ANKRD18B: variants seen among roughly 807,000 people sequenced by gnomAD.
ANKRD18B encodes ankyrin repeat domain 18B, also known as ankyrin repeat domain-containing protein 18B.
Under a neutral mutation model 111.8 loss-of-function variants are expected in ANKRD18B, and 75 were observed. That is an observed-to-expected ratio of 0.67 (90% CI 0.56 to 0.81). The LOEUF (loss-of-function observed/expected upper bound fraction) is 0.81. Ranked by LOEUF, ANKRD18B falls within the 40% of genes least tolerant of loss-of-function variation. ANKRD18B has a pLI of 0.00. For missense variants in ANKRD18B, 1,038 were observed against 1,225.5 expected (o/e 0.85, Z 2.28); for synonymous variants, 356 against 417.3 (o/e 0.85, Z 1.79).
rs1218291312 is a variant in ANKRD18B, at chr9:33,524,554, A to G, written c.65A>G (p.Glu22Gly). ...GQALLSSMDQ[E>G]YAGRGYHIRD... The stretch of plus-strand genomic sequence containing the variant: ...GCGCTCCTGAGCTCCATGGACCAAG[A>G]GTATGCGGGTCGGGGGTACCACATT... Residue 22 changes from glutamate to glycine, a missense_variant, in exon 1 of 19, where the codon GAG becomes GGG. Physicochemically the swap from Glu to Gly is moderately conservative, Grantham distance 98. Around this residue, in one of 4 missense-constraint regions of ANKRD18B, gnomAD observed 216 missense variants for 205.1 expected, o/e 1.05. Coordinates refer to ENST00000684830, the MANE Select transcript of ANKRD18B (RefSeq NM_001393611.1). 3.2e-6 allele frequency: 5 copies of G among 1,551,134 alleles called. No homozygotes were observed. The highest frequency in any genetic ancestry group is 2.4e-5 in the East Asian group (1 of 40,900).
rs1173515896 is a variant in ANKRD18B at position 33,572,536 on chromosome 9, A to G, written c.*102A>G. ...CTTTACTAAAGTAGAATATTTTCAT[A>G]TCATATGATGTATATTTATATGTTA... is the stretch of plus-strand genomic sequence containing the variant. On this transcript the variant is annotated 3_prime_UTR_variant, in exon 19 of 19. Transcript: ENST00000684830. The G allele has an allele frequency of 7.3e-7, 1 of 1,366,062 alleles. No individual in the cohort carries two copies. The highest frequency in any genetic ancestry group is 9.5e-7 in the Non-Finnish European group (1 of 1,049,770). 84.6% of individuals were successfully genotyped at this position (1,366,062 alleles called of 1,614,324 possible). A position where few individuals can be genotyped will look rare whatever the true frequency, so the allele number is the denominator to read the frequency against.
chr9:33,558,328 T>C, intron 14 of ANKRD18B, 141 bp downstream of exon 14: 1 of 970,702 alleles, frequency 1.0e-6, no homozygotes, highest in Non-Finnish European at 1.5e-6. Flanking sequence ...CCCGTAGGCA[T>C]TAGCTATTAA....
intron 5 of ANKRD18B, among the ~76,000 whole-genome samples, chr9:33,536,377 T>C (rs1472238067): frequency 6.6e-6 from 1 of 152,220 alleles, no homozygotes; most frequent in Non-Finnish European, 1.5e-5. Flanking sequence ...AAAACACTCA[T>C]CAGGTTTTAT....
At chr9:33,558,815 A>G (rs2118101287) in intron 14 of ANKRD18B, among the ~76,000 whole-genome samples, 1 of 152,326 alleles carries the variant, frequency 6.6e-6, no homozygotes, top group East Asian at 1.9e-4. Context: ...CTGAGCCAGT[A>G]TGGTGACTGT....
At position 33,534,325 on chromosome 9, in the gene ANKRD18B, T is replaced by A. The variant is rs749399582; in HGVS notation, c.603-45T>A. On this transcript the variant is annotated intron_variant, in intron 4 of 18. Transcript: ENST00000684830. ...GTGTATCCAATTTGCTAATTAAATATCTTTATCAAAGTTCTTGAGTGCTGT... is the reference window on the plus strand; with the variant it reads ...GTGTATCCAATTTGCTAATTAAATAACTTTATCAAAGTTCTTGAGTGCTGT... 3.3e-6 allele frequency: 5 copies of A among 1,498,236 alleles called. No individual in the cohort carries two copies. The East Asian group carries it at 9.9e-5, about 30-fold the overall frequency. 92.8% of individuals were successfully genotyped at this position (1,498,236 alleles called of 1,614,324 possible). A position where few individuals can be genotyped will look rare whatever the true frequency, so the allele number is the denominator to read the frequency against.
At chr9:33,543,317 G>A in intron 10 of ANKRD18B, 62 bp downstream of exon 10, 1 of 1,370,736 alleles carries the variant, frequency 7.3e-7, no homozygotes, top group Non-Finnish European at 1.0e-6. Context: ...TAATAACATA[G>A]CATAGTCCAA....
chr9:33,574,923 G>A (rs943294091), downstream of ANKRD18B, among the ~76,000 whole-genome samples: 1 of 152,148 alleles, frequency 6.6e-6, no homozygotes, highest in African/African-American at 2.4e-5. Context: ...GGAGCAGTTA[G>A]AGACACACAG....
At chr9:33,551,826 G>A (rs1313196896) in intron 12 of ANKRD18B, among the ~76,000 whole-genome samples, 1 of 152,186 alleles carries the variant, frequency 6.6e-6, no homozygotes, top group Non-Finnish European at 1.5e-5. Flanking sequence ...TGTCCTTCCT[G>A]CCTTCTCAGT....
Position 33,567,289 on chromosome 9 carries a change from A to T in ANKRD18B, c.2929A>T (p.Ser977Cys). ...CTTTGCAGTAGCATTGAAAGCTAAC[A>T]GTTCCATGTCAGAAAAAATAACGAA... ...EAFAVALKAN[S>C]SMSEKITKSD... The change falls in exon 16 of 19, where the codon AGT becomes TGT. Residue 977 changes from serine (S) to cysteine (C), a missense_variant. By Grantham distance (112) the Ser-to-Cys change is moderately radical. Coordinates refer to ENST00000684830, the MANE Select transcript of ANKRD18B (RefSeq NM_001393611.1). 2 of 1,545,162 alleles carry T rather than the reference A, an allele frequency of 1.3e-6. No homozygotes were observed. The highest frequency in any genetic ancestry group is 1.7e-6 in the Non-Finnish European group (2 of 1,145,248).
rs142538183 is a variant in ANKRD18B, at chr9:33,558,115, C to G, written c.2388C>G (p.Asp796Glu). 0.015 allele frequency: 23,852 copies of G among 1,611,938 alleles called. 256 individuals carry two copies. The highest frequency in any genetic ancestry group is 0.022 in the Middle Eastern group (134 of 6,040). ...INMLNAFANE[D>E]FSCHGDLNTD... ...TGTTAAATGCATTTGCAAATGAAGA[C>G]TTCAGTTGCCATGGAGACTTAAATA... Residue 796 changes from aspartate to glutamate, a missense_variant, in exon 14 of 19, where the codon GAC becomes GAG. Asp to Glu is a conservative substitution (Grantham distance 45, BLOSUM62 2). Coordinates refer to ENST00000684830, the MANE Select transcript of ANKRD18B (RefSeq NM_001393611.1).
Position 33,524,650 on chromosome 9 carries a change from T to G in ANKRD18B, c.161T>G (p.Leu54Arg), listed in dbSNP as rs1213456071. 2 of 1,551,248 alleles carry G rather than the reference T, an allele frequency of 1.3e-6. No individual in the cohort carries two copies. Among genetic ancestry groups the G allele is most frequent in the Non-Finnish European group, 1.7e-6 (2 of 1,146,786 alleles). The change falls in exon 1 of 19, where the codon CTG (leucine) becomes CGG (arginine). Residue 54 changes from leucine to arginine, a missense_variant. Leu to Arg is a moderately radical substitution (Grantham distance 102, BLOSUM62 -2). This residue lies in a region of ANKRD18B where 216 missense variants were observed against 205.1 expected (regional missense o/e 1.05). Transcript: ENST00000684830. ...GACGCCGCAGAGGTGGAGCACTGCCTGACGCGCAGGTTCCGGGACTTGGAC... is the reference window on the plus strand; with the variant it reads ...GACGCCGCAGAGGTGGAGCACTGCCGGACGCGCAGGTTCCGGGACTTGGAC... ...KGDAAEVEHC[L>R]TRRFRDLDVR...
Position 33,547,978 on chromosome 9 carries a change from G to A in ANKRD18B, c.1190G>A (p.Gly397Glu). 1 of 1,463,074 alleles carries A rather than the reference G, an allele frequency of 6.8e-7. No homozygotes were observed. The highest frequency in any genetic ancestry group is 1.5e-5 in the South Asian group (1 of 68,552). 90.6% of individuals were successfully genotyped at this position (1,463,074 alleles called of 1,614,324 possible). A position where few individuals can be genotyped will look rare whatever the true frequency, so the allele number is the denominator to read the frequency against. ...SYGKKKDEMF[G>E]NFMLKRDIAM... is the part of the protein sequence containing the mutation. The stretch of plus-strand genomic sequence containing the variant: ...GGAAAAAAGAAGGATGAGATGTTTG[G>A]AAATTTTATGTTGAAGAGAGACATT... Residue 397 changes from glycine (G) to glutamate (E), a missense_variant, in exon 11 of 19, where the codon GGA becomes GAA. By Grantham distance (98) the Gly-to-Glu change is moderately conservative (BLOSUM62 -2). Coordinates refer to ENST00000684830, the MANE Select transcript of ANKRD18B (RefSeq NM_001393611.1).
chr9:33,530,144 T>C (rs576854049), intron 3 of ANKRD18B, among the ~76,000 whole-genome samples: 3 of 152,158 alleles, frequency 2.0e-5, no homozygotes, highest in African/African-American at 2.4e-5. Flanking sequence ...ATATTGGCCA[T>C]GTGGGTGAGA....
chr9:33,537,377 A>T, intron 6 of ANKRD18B, among the ~76,000 whole-genome samples: 1 of 152,214 alleles, frequency 6.6e-6, no homozygotes, highest in South Asian at 2.1e-4. Context: ...ATATAAATTA[A>T]TTTTTTAAAT....
At chr9:33,526,399 A>T (rs1404780718) in intron 1 of ANKRD18B, among the ~76,000 whole-genome samples, 1 of 152,202 alleles carries the variant, frequency 6.6e-6, no homozygotes, top group Non-Finnish European at 1.5e-5. Flanking sequence ...AGGAAAAACA[A>T]ATCAGTTTGC....
chr9:33,558,099 C>G lies in ANKRD18B; in HGVS notation c.2372C>G (p.Ala791Gly), dbSNP rs772660505. ...CLEMTINMLN[A>G]FANEDFSCHG... is the part of the protein sequence containing the mutation. ...GAAATGACAATAAATATGTTAAATG[C>G]ATTTGCAAATGAAGACTTCAGTTGC... Residue 791 changes from alanine (A) to glycine (G), a missense_variant, in exon 14 of 19, where the codon GCA becomes GGA. Ala to Gly is a moderately conservative substitution (Grantham distance 60). Around this residue, in one of 4 missense-constraint regions of ANKRD18B, gnomAD observed 524 missense variants for 677.9 expected, o/e 0.77. Coordinates refer to ENST00000684830, the MANE Select transcript of ANKRD18B (RefSeq NM_001393611.1). 6.2e-7 allele frequency: 1 copy of G among 1,610,510 alleles called. No homozygotes were observed. The highest frequency in any genetic ancestry group is 1.1e-5 in the South Asian group (1 of 90,394).
chr9:33,543,451 T>C (rs1330783621), intron 10 of ANKRD18B, among the ~76,000 whole-genome samples, 196 bp downstream of exon 10: 3 of 152,238 alleles, frequency 2.0e-5, no homozygotes, highest in Non-Finnish European at 2.9e-5. Context: ...AAATCATAGC[T>C]ATCTGTACCC....
intron 11 of ANKRD18B, among the ~76,000 whole-genome samples, chr9:33,549,826 T>A (rs1380597680): frequency 6.6e-6 from 1 of 152,228 alleles, no homozygotes; most frequent in African/African-American, 2.4e-5. Context: ...CAGGTATTTA[T>A]AATTTACTGT....
At chr9:33,570,783 A>C (rs940953197) in intron 17 of ANKRD18B, among the ~76,000 whole-genome samples, 25 of 151,952 alleles carry the variant, frequency 1.6e-4, no homozygotes, top group Middle Eastern at 3.4e-3. Context: ...GACTAGAGGC[A>C]TGCACCACCA....
Sources: gnomAD v4.1 joint callset for allele counts (sites outside exome capture counted in the v4.1 genomes callset) on GRCh38, gnomAD v4.1.1 for gene constraint, gnomAD v4.1.1 regional missense constraint, MANE v1.5 for transcripts, NCBI Gene and HGNC (gene_info 2026-07-23, HGNC 2026-07-21) for gene names.